Variants in COLEC12 observed in about 807,000 individuals in gnomAD.
COLEC12 encodes collectin-12.
COLEC12 carries 33 observed loss-of-function variants against 71.1 expected under a neutral mutation model. That is an observed-to-expected ratio of 0.46 (90% CI 0.35 to 0.62). The LOEUF is 0.62. Among genes scored for constraint, COLEC12 ranks in the 20% least tolerant of loss-of-function variants. The probability of loss-of-function intolerance (pLI) is 0.00; values close to 1 mark genes in which losing one functional copy is unlikely to be tolerated. For missense variants in COLEC12, 765 were observed against 916.1 expected, an observed-to-expected ratio of 0.84 and a Z score of 2.13; for synonymous variants, 350 against 353.0, an observed-to-expected ratio of 0.99 and a Z score of 0.10.
At position 479,275 on chromosome 18, in the gene COLEC12, A is replaced by G. The variant is rs374205176; in HGVS notation, c.58+1432T>C. On this transcript the variant is annotated intron_variant, in intron 2 of 9. Transcript: ENST00000400256. ...AATCGTGTAGATGGGGAACAGGAGC[A>G]CGGAGGAGGGGCGACGGGGCTGCAC... is the stretch of plus-strand genomic sequence containing the variant. Among the ~76,000 whole-genome samples the G allele has an allele frequency of 1.6e-4, 25 of 151,960 alleles. No homozygotes were observed. The South Asian group carries it at 5.2e-3, about 32-fold the overall frequency.
At chr18:435,424 C>T (rs1337766242) in intron 2 of COLEC12, among the ~76,000 whole-genome samples, 3 of 152,086 alleles carry the variant, frequency 2.0e-5, no homozygotes, top group Non-Finnish European at 4.4e-5. Context: ...TATAAAACCA[C>T]CAGATCTCGT....
At chr18:496,474 C>A (rs1917715063) in intron 1 of COLEC12, among the ~76,000 whole-genome samples, 1 of 152,188 alleles carries the variant, frequency 6.6e-6, no homozygotes, top group Non-Finnish European at 1.5e-5. Context: ...GGGAAAAAGG[C>A]CTCATTTTGT....
intron 2 of COLEC12, among the ~76,000 whole-genome samples, chr18:460,057 G>GAA (rs56855042): frequency 6.8e-5 from 10 of 147,526 alleles, no homozygotes; most frequent in South Asian, 4.3e-4. Flanking sequence ...AAGGAAAAAA[G>GAA]AAAAAAAAAA....
chr18:404,609 T>C (rs1208781720), intron 2 of COLEC12, among the ~76,000 whole-genome samples: 1 of 152,178 alleles, frequency 6.6e-6, no homozygotes, highest in Non-Finnish European at 1.5e-5. Context: ...ATTGTGAAGA[T>C]TTCATTTTAA....
chr18:490,537 C>A (rs1240956123), intron 1 of COLEC12, among the ~76,000 whole-genome samples: 2 of 152,180 alleles, frequency 1.3e-5, no homozygotes, highest in Admixed American at 6.5e-5. Flanking sequence ...AAACCTACGA[C>A]ATTATCTGAC....
chr18:415,363 C>T (rs1915966995), intron 2 of COLEC12, among the ~76,000 whole-genome samples: 1 of 152,128 alleles, frequency 6.6e-6, no homozygotes, highest in South Asian at 2.1e-4. Flanking sequence ...ATTGTGATAT[C>T]TCTTCTCCTA....
chr18:440,382 C>T lies in COLEC12; in HGVS notation c.58+40325G>A, dbSNP rs62089979. Among the ~76,000 whole-genome samples the T allele has an allele frequency of 2.5e-3, 302 of 122,514 alleles. 1 individual carries two copies. Among genetic ancestry groups the T allele is most frequent in the African/African-American group, 5.4e-3 (163 of 29,936 alleles). 80.4% of individuals were successfully genotyped at this position (122,514 alleles called of 152,430 possible). ...CTCAACACACACACACACACATACA[C>T]ACACACACACACACACACATACACA... On this transcript the variant is annotated intron_variant, in intron 2 of 9. Coordinates refer to ENST00000400256, the MANE Select transcript of COLEC12 (RefSeq NM_130386.3).
chr18:464,968 C>A (rs2143741288), intron 2 of COLEC12, among the ~76,000 whole-genome samples: 1 of 152,378 alleles, frequency 6.6e-6, no homozygotes, highest in South Asian at 2.1e-4. Flanking sequence ...ACGCTCCCAT[C>A]ACACTGGGGA....
rs1406480861 is a variant in COLEC12, at chr18:399,095, T to C, written c.59-41573A>G. Among the ~76,000 whole-genome samples, 1 of 152,230 alleles carries C rather than the reference T, an allele frequency of 6.6e-6. No individual in the cohort carries two copies. Among genetic ancestry groups the C allele is most frequent in the African/African-American group, 2.4e-5 (1 of 41,448 alleles). The stretch of plus-strand genomic sequence containing the variant: ...GCATTTTGGGACCACCCATGTACAC[T>C]GGGCTACTCTGTCAGCAGCTCAAGG... On this transcript the variant is annotated intron_variant, in intron 2 of 9. Transcript: ENST00000400256. The surrounding 1 kb of genome is among the most constrained non-coding windows in gnomAD (Gnocchi z 4.0).
intron 2 of COLEC12, among the ~76,000 whole-genome samples, chr18:422,480 G>A (rs1598358332): frequency 2.0e-5 from 3 of 152,136 alleles, no homozygotes; most frequent in Non-Finnish European, 2.9e-5. Flanking sequence ...TAAGTGCCAG[G>A]CCATATGCTA....
At chr18:320,358 A>G (rs1913673567) in intron 9 of COLEC12, among the ~76,000 whole-genome samples, 1 of 152,196 alleles carries the variant, frequency 6.6e-6, no homozygotes, top group Non-Finnish European at 1.5e-5. Flanking sequence ...ACTTGTCACC[A>G]TCAATTATAA....
At position 340,074 on chromosome 18, in the gene COLEC12, C is replaced by CAAAAAAAAA. The variant is rs60991743; in HGVS notation, c.1328-4853_1328-4845dup. On this transcript the variant is annotated intron_variant, in intron 5 of 9. Transcript: ENST00000400256. ...AGAAGCTACCCTTAGTGCCTGAAAG[C>CAAAAAAAAA]AAAAAAAAAAAAAAAAACAAAAAGA... 1.8e-3 allele frequency among the ~76,000 whole-genome samples: 170 copies of CAAAAAAAAA among 94,112 alleles called. 4 individuals carry two copies. Among genetic ancestry groups the CAAAAAAAAA allele is most frequent in the South Asian group, 4.2e-3 (9 of 2,144 alleles). The allele number at this position is 94,112 out of a possible 152,430, so 61.7% of individuals were successfully genotyped here.
At position 340,074 on chromosome 18, in the gene COLEC12, C is replaced by CAAAA. The variant is rs60991743; in HGVS notation, c.1328-4848_1328-4845dup. The stretch of plus-strand genomic sequence containing the variant: ...AGAAGCTACCCTTAGTGCCTGAAAG[C>CAAAA]AAAAAAAAAAAAAAAAACAAAAAGA... On this transcript the variant is annotated intron_variant, in intron 5 of 9. Coordinates refer to ENST00000400256, the MANE Select transcript of COLEC12 (RefSeq NM_130386.3). Among the ~76,000 whole-genome samples, 711 of 94,176 alleles carry CAAAA rather than the reference C, an allele frequency of 7.5e-3. 20 individuals carry two copies. The highest frequency in any genetic ancestry group is 0.028 in the African/African-American group (672 of 24,174). The allele number at this position is 94,176 out of a possible 152,430, so 61.8% of individuals were successfully genotyped here. A position where few individuals can be genotyped will look rare whatever the true frequency, so the allele number is the denominator to read the frequency against.
intron 3 of COLEC12, 72 bp from the exon 4 acceptor site, chr18:348,235 A>G (rs1598333779): frequency 1.1e-6 from 1 of 938,454 alleles, no homozygotes; most frequent in East Asian, 2.5e-5. Flanking sequence ...AAAACAAGAG[A>G]TCATTTCATT....
intron 2 of COLEC12, among the ~76,000 whole-genome samples, chr18:410,284 T>C (rs1393248771): frequency 6.6e-6 from 1 of 152,146 alleles, no homozygotes; most frequent in African/African-American, 2.4e-5. Flanking sequence ...TTGTAGAAGA[T>C]GAAGTGGACA....
At chr18:430,188 T>C (rs923750631) in intron 2 of COLEC12, among the ~76,000 whole-genome samples, 1 of 151,992 alleles carries the variant, frequency 6.6e-6, no homozygotes, top group Non-Finnish European at 1.5e-5. Flanking sequence ...ATACAAAAAT[T>C]AGCCAGGCGT....
intron 2 of COLEC12, among the ~76,000 whole-genome samples, chr18:433,507 C>T (rs1916345200): frequency 6.6e-6 from 1 of 152,104 alleles, no homozygotes; most frequent in African/African-American, 2.4e-5. Context: ...GGCAACTAGA[C>T]CATTGGTTTC....
chr18:330,261 C>A (rs1913941796), intron 8 of COLEC12, among the ~76,000 whole-genome samples: 1 of 152,208 alleles, frequency 6.6e-6, no homozygotes, highest in Admixed American at 6.5e-5. Flanking sequence ...CTCTGACCCT[C>A]CTCCCTGCTG....
At chr18:383,935 A>G (rs1915288657) in intron 2 of COLEC12, among the ~76,000 whole-genome samples, 1 of 152,196 alleles carries the variant, frequency 6.6e-6, no homozygotes, top group Non-Finnish European at 1.5e-5. Context: ...AGAACCAAGC[A>G]AAAAGGGGTT....
Sources: gnomAD v4.1 joint callset for allele counts (sites outside exome capture counted in the v4.1 genomes callset) on GRCh38, gnomAD v4.1.1 for gene constraint, Gnocchi (gnomAD v3.1) non-coding constraint, MANE v1.5 for transcripts, NCBI Gene and HGNC (gene_info 2026-07-23, HGNC 2026-07-21) for gene names.